The following FGF12 variants were observed in gnomAD, a reference collection of about 807,000 sequenced individuals.
FGF12 encodes fibroblast growth factor 12.
FGF12 carries 14 observed loss-of-function variants against 23.6 expected under a neutral mutation model. The ratio of observed to expected loss-of-function variants is 0.59; its 90% CI spans 0.39 to 0.93. The LOEUF (loss-of-function observed/expected upper bound fraction) is 0.93, where lower values mean the gene tolerates loss of function less well. Among genes scored for constraint, FGF12 ranks in the 40% least tolerant of loss-of-function variants. The pLI is 0.00. For missense variants in FGF12, 175 were observed against 217.8 expected (o/e 0.80, Z 1.24); for synonymous variants, 62 against 77.3 (o/e 0.80, Z 1.04).
intron 2 of FGF12, among the ~76,000 whole-genome samples, chr3:192,402,795 T>C (rs1336744388): frequency 6.6e-6 from 1 of 152,216 alleles, no homozygotes; most frequent in Non-Finnish European, 1.5e-5. Flanking sequence ...GATTAATTTA[T>C]AGGCATTTTG....
chr3:192,441,047 C>T (rs894192355), intron 2 of FGF12, among the ~76,000 whole-genome samples: 5 of 152,128 alleles, frequency 3.3e-5, no homozygotes, highest in South Asian at 2.1e-4. Context: ...TTTTGGGCAC[C>T]GGCAATGGTT....
chr3:192,522,757 A>AT (rs950705538), intron 2 of FGF12, among the ~76,000 whole-genome samples: 5 of 152,196 alleles, frequency 3.3e-5, no homozygotes, highest in African/African-American at 1.2e-4. Flanking sequence ...ATGTGCTACA[A>AT]TTTTTTTAAT....
intron 4 of FGF12, among the ~76,000 whole-genome samples, chr3:192,217,944 C>CCCCTGCCTCA (rs1718277676): frequency 2.0e-5 from 3 of 151,918 alleles, no homozygotes; most frequent in African/African-American, 7.3e-5. Flanking sequence ...TCAAGCAATT[C>CCCCTGCCTCA]TCCTGCCTCA....
Position 192,337,208 on chromosome 3 carries a change from T to A in FGF12, c.125-1744A>T, listed in dbSNP as rs143281444. Among the ~76,000 whole-genome samples the A allele has an allele frequency of 7.0e-4, 106 of 152,274 alleles. 2 individuals carry two copies. The East Asian group carries it at 0.019, about 27-fold the overall frequency. On this transcript the variant is annotated intron_variant, in intron 3 of 5. Transcript: ENST00000445105. ...TTAAATGTAATATATGCATTCTATA[T>A]ATATATTCCCTATGTTACAGAAGTT...
At chr3:192,286,197 T>C (rs1714436898) in intron 4 of FGF12, among the ~76,000 whole-genome samples, 1 of 152,002 alleles carries the variant, frequency 6.6e-6, no homozygotes, top group South Asian at 2.1e-4. Flanking sequence ...TTGTATATCA[T>C]CGGATTTCTG....
chr3:192,450,457 A>G (rs73066292), intron 2 of FGF12, among the ~76,000 whole-genome samples: 1 of 152,116 alleles, frequency 6.6e-6, no homozygotes, highest in South Asian at 2.1e-4. Flanking sequence ...GATAGAACCG[A>G]ACATAGGATA....
intron 2 of FGF12, among the ~76,000 whole-genome samples, chr3:192,386,301 T>C (rs1352682979): frequency 6.6e-6 from 1 of 152,252 alleles, no homozygotes; most frequent in East Asian, 1.9e-4. Flanking sequence ...TAATTATACA[T>C]GTGTATGCAC....
chr3:192,560,190 G>A (rs1711960721), intron 2 of FGF12, among the ~76,000 whole-genome samples: 1 of 151,722 alleles, frequency 6.6e-6, no homozygotes, highest in Non-Finnish European at 1.5e-5. Flanking sequence ...GTATGTTCAC[G>A]AAAACAAATC....
At chr3:192,406,820 A>C (rs2108774977) in intron 2 of FGF12, among the ~76,000 whole-genome samples, 1 of 152,276 alleles carries the variant, frequency 6.6e-6, no homozygotes, top group African/African-American at 2.4e-5. Context: ...AGACTTCCCA[A>C]GTGTCGCCCT....
At position 192,507,334 on chromosome 3, in the gene FGF12, T is replaced by TACAC. The variant is rs35433581; in HGVS notation, c.14-146800_14-146797dup. Among the ~76,000 whole-genome samples, 1,163 of 144,694 alleles carry TACAC rather than the reference T, an allele frequency of 8.0e-3. 2 individuals are homozygous for TACAC. The highest frequency in any genetic ancestry group is 0.025 in the South Asian group (112 of 4,422). The allele number at this position is 144,694 out of a possible 152,430, so 94.9% of individuals were successfully genotyped here. A position where few individuals can be genotyped will look rare whatever the true frequency, so the allele number is the denominator to read the frequency against. On this transcript the variant is annotated intron_variant, in intron 2 of 5. Transcript: ENST00000445105. ...GCAATTTTTAATGCATTTGACCAAA[T>TACAC]ACACACACACACACACACACACACA...
intron 3 of FGF12, among the ~76,000 whole-genome samples, chr3:192,350,337 G>A (rs1357755551): frequency 1.3e-5 from 2 of 152,006 alleles, no homozygotes; most frequent in African/African-American, 4.8e-5. Context: ...AATAACATAA[G>A]CAAGTATAGG....
At chr3:192,257,549 CAG>C (rs1712479334) in intron 4 of FGF12, among the ~76,000 whole-genome samples, 1 of 152,136 alleles carries the variant, frequency 6.6e-6, no homozygotes, top group African/African-American at 2.4e-5. Flanking sequence ...ATCTTCTCTT[CAG>C]AGCCATTTTA....
At chr3:192,485,354 A>G (rs2108822060) in intron 2 of FGF12, among the ~76,000 whole-genome samples, 1 of 152,316 alleles carries the variant, frequency 6.6e-6, no homozygotes, top group South Asian at 2.1e-4. Flanking sequence ...GAGGTAGTTC[A>G]AATTGAGAAA....
At chr3:192,270,985 T>G (rs1188862598) in intron 4 of FGF12, among the ~76,000 whole-genome samples, 1 of 152,120 alleles carries the variant, frequency 6.6e-6, no homozygotes, top group Non-Finnish European at 1.5e-5. Context: ...GTTTCTCAGA[T>G]AGTATATTGG....
chr3:192,702,970 A>G (rs941176195), intron 2 of FGF12, among the ~76,000 whole-genome samples: 1 of 152,204 alleles, frequency 6.6e-6, no homozygotes, highest in Non-Finnish European at 1.5e-5. Flanking sequence ...AGGAGATTCC[A>G]AACTGATTAC....
At chr3:192,685,644 G>A (rs994887862) in intron 2 of FGF12, among the ~76,000 whole-genome samples, 3 of 152,104 alleles carry the variant, frequency 2.0e-5, no homozygotes, top group African/African-American at 4.8e-5. Context: ...CAGCACGGAG[G>A]AGAGTATAAA....
intron 2 of FGF12, among the ~76,000 whole-genome samples, chr3:192,436,566 G>C (rs989252592): frequency 6.6e-6 from 1 of 152,196 alleles, no homozygotes; most frequent in South Asian, 2.1e-4. Flanking sequence ...CTGGAGCAAG[G>C]CTTTGACTTC....
chr3:192,580,128 A>G (rs1713071901), intron 2 of FGF12, among the ~76,000 whole-genome samples: 1 of 152,086 alleles, frequency 6.6e-6, no homozygotes. Context: ...TTTTTTTAGA[A>G]ATCCAAGACA....
At chr3:192,178,738 T>G (rs1271973247) in intron 4 of FGF12, among the ~76,000 whole-genome samples, 3 of 152,312 alleles carry the variant, frequency 2.0e-5, no homozygotes, top group Admixed American at 6.5e-5. Flanking sequence ...CCTCAGACAA[T>G]CCGTCCACCT....
Sources: allele counts gnomAD v4.1 joint callset (sites outside exome capture counted in the v4.1 genomes callset), GRCh38; gene constraint gnomAD v4.1.1; transcripts MANE v1.5; gene names NCBI Gene and HGNC (gene_info 2026-07-23, HGNC 2026-07-21).